Variants in LOC400499 observed in about 807,000 individuals in gnomAD.
the LOC400499 span, among the ~76,000 whole-genome samples, chr16:11,511,650 A>C: frequency 6.6e-6 from 1 of 152,236 alleles, no homozygotes; most frequent in African/African-American, 2.4e-5. Flanking sequence ...TTAGAGGCAG[A>C]AAGTAGTTGA....
the LOC400499 span, chr16:11,491,601 G>T: frequency 2.6e-6 from 1 of 379,556 alleles, no homozygotes; most frequent in South Asian, 1.4e-4. Flanking sequence ...CCAAAGGGGT[G>T]GAGGGAGAGG....
At chr16:11,467,587 G>C in the LOC400499 span, among the ~76,000 whole-genome samples, 1 of 152,114 alleles carries the variant, frequency 6.6e-6, no homozygotes, top group South Asian at 2.1e-4. Flanking sequence ...ACTCCAGCCT[G>C]AGTGACAGAG....
the LOC400499 span, among the ~76,000 whole-genome samples, chr16:11,459,667 CTA>C: frequency 1.3e-5 from 2 of 152,224 alleles, no homozygotes; most frequent in African/African-American, 4.8e-5. Context: ...AGGTGGAAAT[CTA>C]TGTTTCCCAA....
the LOC400499 span, among the ~76,000 whole-genome samples, chr16:11,514,809 C>T: frequency 6.6e-6 from 1 of 152,210 alleles, no homozygotes; most frequent in Admixed American, 6.5e-5. Flanking sequence ...AGACAGTGAC[C>T]CCCCAGGAGA....
At chr16:11,376,483 T>C in the LOC400499 span, among the ~76,000 whole-genome samples, 6 of 152,340 alleles carry the variant, frequency 3.9e-5, no homozygotes, top group Admixed American at 1.3e-4. Flanking sequence ...TTGGCATCCT[T>C]ATTGAAATCA....
the LOC400499 span, among the ~76,000 whole-genome samples, chr16:11,428,521 A>G: frequency 4.6e-5 from 7 of 152,120 alleles, no homozygotes; most frequent in Admixed American, 3.9e-4. Context: ...TGATGTTGCC[A>G]TGGCATTTGT....
the LOC400499 span, among the ~76,000 whole-genome samples, chr16:11,396,886 A>G: frequency 2.6e-5 from 4 of 152,196 alleles, no homozygotes; most frequent in Admixed American, 2.0e-4. Context: ...TGTTGTCCCA[A>G]CCTCACTTCC....
chr16:11,431,509 G>A, the LOC400499 span, among the ~76,000 whole-genome samples: 4 of 152,244 alleles, frequency 2.6e-5, no homozygotes, highest in African/African-American at 9.6e-5. Context: ...GGGTTCAAGC[G>A]ATTCTCCTGT....
the LOC400499 span, among the ~76,000 whole-genome samples, chr16:11,476,202 G>A: frequency 6.6e-6 from 1 of 152,030 alleles, no homozygotes; most frequent in South Asian, 2.1e-4. Context: ...GATGCGAGGA[G>A]GGAGGAGGGA....
At chr16:11,374,965 C>T in the LOC400499 span, among the ~76,000 whole-genome samples, 1 of 152,104 alleles carries the variant, frequency 6.6e-6, no homozygotes, top group African/African-American at 2.4e-5. Context: ...CCTCATGCCT[C>T]AGCCTCCCAA....
At chr16:11,493,595 C>A in the LOC400499 span, 4 of 395,808 alleles carry the variant, frequency 1.0e-5, no homozygotes, top group Non-Finnish European at 1.8e-5. Flanking sequence ...TGGTTCGAGA[C>A]CCACCACCAC....
chr16:11,404,786 C>T, the LOC400499 span: 17 of 398,962 alleles, frequency 4.3e-5, no homozygotes, highest in Non-Finnish European at 7.1e-5. Flanking sequence ...CATCCCACAG[C>T]ACCACCTGGC....
the LOC400499 span, chr16:11,457,197 G>C: frequency 1.1e-5 from 7 of 640,464 alleles, no homozygotes; most frequent in Non-Finnish European, 1.8e-5. Flanking sequence ...AAAAAACAAG[G>C]AGCGTTGGTA....
the LOC400499 span, among the ~76,000 whole-genome samples, chr16:11,452,398 C>T: frequency 2.0e-5 from 3 of 152,160 alleles, no homozygotes; most frequent in Non-Finnish European, 2.9e-5. Flanking sequence ...GCCACTGCTG[C>T]GGGAGGCTAG....
chr16:11,411,818 G>A, the LOC400499 span, among the ~76,000 whole-genome samples: 1 of 151,224 alleles, frequency 6.6e-6, no homozygotes, highest in Non-Finnish European at 1.5e-5. Flanking sequence ...ACTCCTCCAG[G>A]CCAGGGTGGT....
chr16:11,388,724 C>A, the LOC400499 span, among the ~76,000 whole-genome samples: 15 of 152,222 alleles, frequency 9.9e-5, no homozygotes, highest in African/African-American at 3.6e-4. Flanking sequence ...CACCTACCCG[C>A]CTCCCCAGTC....
chr16:11,381,840 G>GT, the LOC400499 span, among the ~76,000 whole-genome samples: 71 of 152,004 alleles, frequency 4.7e-4, no homozygotes, highest in Middle Eastern at 3.4e-3. Flanking sequence ...CCTTTTCTTT[G>GT]TTTTTTCTGC....
the LOC400499 span, among the ~76,000 whole-genome samples, chr16:11,477,591 C>T: frequency 6.6e-6 from 1 of 152,250 alleles, no homozygotes; most frequent in Non-Finnish European, 1.5e-5. Context: ...CCAGCCACCT[C>T]GTACTGCGGT....
the LOC400499 span, chr16:11,383,608 C>A: frequency 8.9e-6 from 11 of 1,232,120 alleles, no homozygotes; most frequent in East Asian, 1.9e-4. Context: ...AGATGCCAGA[C>A]GGGGCAGAGT....
Sources: allele counts gnomAD v4.1 joint callset (sites outside exome capture counted in the v4.1 genomes callset), GRCh38; gene constraint gnomAD v4.1.1; transcripts MANE v1.5.